Variants in UBAP2 observed in about 807,000 individuals in gnomAD.
UBAP2 encodes the protein ubiquitin associated protein 2.
In UBAP2, 75 loss-of-function variants were observed where a neutral mutation model predicts 139.6. The observed-to-expected ratio is 0.54, with a 90% CI of 0.45 to 0.65. The LOEUF is 0.65. UBAP2 is among the 30% of genes least tolerant of loss of function. UBAP2 has a pLI of 0.00. For synonymous variants in UBAP2, 526 were observed against 526.2 expected (o/e 1.00, Z 0.01); for missense variants, 1,368 against 1,369.6 (o/e 1.00, Z 0.02).
At position 34,006,638 on chromosome 9, in the gene UBAP2, T is replaced by G. The variant is rs1261559109; in HGVS notation, c.100-7774A>C. Among the ~76,000 whole-genome samples, 8 of 151,980 alleles carry G rather than the reference T, an allele frequency of 5.3e-5. No individual in the cohort carries two copies. In the East Asian group the frequency reaches 1.5e-3, roughly 29 times the overall value. ...GAGAAGGGAGCAGTGAGCATGACCG[T>G]GCCACTGCACTCCAGTCTGGGTGAC... On this transcript the variant is annotated intron_variant, in intron 2 of 28. Coordinates refer to ENST00000379238, the MANE Select transcript of UBAP2 (RefSeq NM_001370062.2).
In UBAP2 at chr9:33,998,823, A is replaced by C; in HGVS notation, c.141T>G (p.Asp47Glu). ...TAGCTTCAAAATCTGAATCATTCTTATCAAAGATCACTTGAGCGAGACGCA... is the reference window on the plus strand; with the variant it reads ...TAGCTTCAAAATCTGAATCATTCTTCTCAAAGATCACTTGAGCGAGACGCA... ...EQMRLAQVIF[D>E]KNDSDFEAKV... Residue 47 changes from aspartate to glutamate, a missense_variant, in exon 3 of 29, where the codon GAT becomes GAG. Coordinates refer to ENST00000379238, the MANE Select transcript of UBAP2 (RefSeq NM_001370062.2). 3 of 1,612,476 alleles carry C rather than the reference A, an allele frequency of 1.9e-6. No homozygotes were observed. The highest frequency in any genetic ancestry group is 2.5e-6 in the Non-Finnish European group (3 of 1,179,850).
chr9:33,966,469 A>AT (rs1465868237), intron 8 of UBAP2, among the ~76,000 whole-genome samples: 2 of 152,232 alleles, frequency 1.3e-5, no homozygotes, highest in Non-Finnish European at 1.5e-5. Context: ...AAAAAATAAA[A>AT]TAAAAAAAAG....
At chr9:33,948,870 C>T in intron 12 of UBAP2, 3 of 330,988 alleles carry the variant, frequency 9.1e-6, no homozygotes, top group Non-Finnish European at 1.7e-5. Context: ...GTGATGTTGG[C>T]CGGGCGCGGT....
chr9:33,953,399 G>A lies in UBAP2; in HGVS notation c.942C>T (p.Ser314=), dbSNP rs1219069371. The change falls in exon 12 of 29, where the codon TCC becomes TCT. Residue 314 remains serine (S), a synonymous_variant. Transcript: ENST00000379238. ...GGGCTTGGCCAAAGCCCTGCTGTTGGGAAGTTTCAAAGGAGTTGGCTTCTG... is the reference window on the plus strand; with the variant it reads ...GGGCTTGGCCAAAGCCCTGCTGTTGAGAAGTTTCAAAGGAGTTGGCTTCTG... ...QASEANSFET[S]QQQGFGQALV... 6.2e-7 allele frequency: 1 copy of A among 1,614,148 alleles called. No individual in the cohort carries two copies. Among genetic ancestry groups the A allele is most frequent in the East Asian group, 2.2e-5 (1 of 44,886 alleles).
At chr9:33,937,656 C>CTGG (rs1426720827) in intron 16 of UBAP2, among the ~76,000 whole-genome samples, 1 of 148,880 alleles carries the variant, frequency 6.7e-6, no homozygotes, top group Non-Finnish European at 1.5e-5. Context: ...GCCTGTAATC[C>CTGG]TGGCACGTTG....
At chr9:33,960,070 C>T (rs1180109316) in intron 10 of UBAP2, among the ~76,000 whole-genome samples, 1 of 151,962 alleles carries the variant, frequency 6.6e-6, no homozygotes, top group East Asian at 1.9e-4. Context: ...GCTGAGACTA[C>T]AGATGCACAA....
intron 6 of UBAP2, among the ~76,000 whole-genome samples, chr9:33,980,411 T>TC (rs1564043479): frequency 1.1e-5 from 1 of 91,786 alleles, no homozygotes; most frequent in African/African-American, 4.4e-5. Context: ...TTTTTTTGTA[T>TC]TTTTTTTTTT....
intron 2 of UBAP2, among the ~76,000 whole-genome samples, chr9:34,010,514 A>C (rs1823665351): frequency 6.6e-6 from 1 of 152,102 alleles, no homozygotes; most frequent in South Asian, 2.1e-4. Context: ...GAGTACCATT[A>C]ATCATTTAAT....
At chr9:33,932,662 T>C in intron 18 of UBAP2, 34 bp from the exon 19 acceptor site, 1 of 1,611,304 alleles carries the variant, frequency 6.2e-7, no homozygotes, top group Non-Finnish European at 8.5e-7. Flanking sequence ...TATGTCCACC[T>C]GAACAAGTGA....
At chr9:34,040,962 A>C (rs903098544) in intron 1 of UBAP2, among the ~76,000 whole-genome samples, 2 of 152,192 alleles carry the variant, frequency 1.3e-5, no homozygotes, top group African/African-American at 4.8e-5. Context: ...CATACCCTAC[A>C]TACAAACCAA....
intron 1 of UBAP2, among the ~76,000 whole-genome samples, chr9:34,034,855 A>G (rs1587693940): frequency 6.8e-6 from 1 of 147,270 alleles, no homozygotes; most frequent in Admixed American, 7.1e-5. Context: ...CCTGGGAAAC[A>G]GCGAGACTCA....
In UBAP2 at chr9:34,036,982, ATTTTTTT is replaced by A. The variant is rs141751803; in HGVS notation, c.-42+11836_-42+11842del. On this transcript the variant is annotated intron_variant, in intron 1 of 28. Coordinates refer to ENST00000379238, the MANE Select transcript of UBAP2 (RefSeq NM_001370062.2). ...TAGGCATGTGCCACCACACCCAGCT[ATTTTTTT>A]TTTTTTTTTTTTTTTTTTTGAGAGA... Among the ~76,000 whole-genome samples, 11 of 57,432 alleles carry A rather than the reference ATTTTTTT, an allele frequency of 1.9e-4. No homozygotes were observed. In the South Asian group the frequency reaches 2.0e-3, roughly 10 times the overall value. 37.7% of individuals were successfully genotyped at this position (57,432 alleles called of 152,430 possible). A position where few individuals can be genotyped will look rare whatever the true frequency, so the allele number is the denominator to read the frequency against.
intron 1 of UBAP2, among the ~76,000 whole-genome samples, chr9:34,046,100 A>G (rs747994305): frequency 1.6e-4 from 25 of 152,152 alleles, no homozygotes; most frequent in Non-Finnish European, 2.6e-4. Flanking sequence ...ATGAACGGGT[A>G]TTTGCTGACA....
intron 13 of UBAP2, 49 bp from the exon 14 acceptor site, chr9:33,944,688 T>C (rs754452303): frequency 1.3e-6 from 2 of 1,586,384 alleles, no homozygotes. Context: ...TTCACAATGT[T>C]CTTCAATAGA....
chr9:33,960,696 C>T (rs531100433), intron 10 of UBAP2, 130 bp downstream of exon 10: 14 of 806,920 alleles, frequency 1.7e-5, no homozygotes, highest in South Asian at 5.0e-5. Flanking sequence ...AGAAGAACTG[C>T]TTGAATCTGG....
chr9:34,010,006 C>T (rs1282044157), intron 2 of UBAP2, among the ~76,000 whole-genome samples: 1 of 149,532 alleles, frequency 6.7e-6, no homozygotes, highest in Non-Finnish European at 1.5e-5. Flanking sequence ...GGAGTTTCTC[C>T]ATCTTGGTCA....
chr9:33,988,467 A>G (rs1821398945), intron 5 of UBAP2, among the ~76,000 whole-genome samples: 1 of 152,348 alleles, frequency 6.6e-6, no homozygotes, highest in East Asian at 1.9e-4. Context: ...AGACCTGCCT[A>G]TGAGAAATCC....
intron 13 of UBAP2, among the ~76,000 whole-genome samples, chr9:33,945,896 T>C (rs904238482): frequency 1.3e-5 from 2 of 152,232 alleles, no homozygotes; most frequent in East Asian, 1.9e-4. Context: ...TACATTTGTA[T>C]GTAAGATATT....
chr9:33,963,907 G>A, intron 8 of UBAP2, 116 bp from the exon 9 acceptor site: 2 of 723,286 alleles, frequency 2.8e-6, no homozygotes, highest in South Asian at 3.3e-5. Flanking sequence ...CCCAAGGATA[G>A]TGAAATGTAA....
Sources: allele counts gnomAD v4.1 joint callset (sites outside exome capture counted in the v4.1 genomes callset), GRCh38; gene constraint gnomAD v4.1.1; transcripts MANE v1.5; gene names NCBI Gene and HGNC (gene_info 2026-07-23, HGNC 2026-07-21).